SEC16B: variants seen among roughly 807,000 people sequenced by gnomAD.
The protein encoded by SEC16B is protein transport protein Sec16B.
In SEC16B, 115 loss-of-function variants were observed where a neutral mutation model predicts 141.8. The ratio of observed to expected loss-of-function variants is 0.81; its 90% CI spans 0.70 to 0.95. The LOEUF is 0.95. Among genes scored for constraint, SEC16B ranks in the 40% least tolerant of loss-of-function variants. The probability of loss-of-function intolerance (pLI) is 0.00; values close to 1 mark genes in which losing one functional copy is unlikely to be tolerated. For missense variants in SEC16B, 1,291 were observed against 1,312.3 expected (o/e 0.98, Z 0.25); for synonymous variants, 493 against 492.5 (o/e 1.00, Z -0.01).
intron 1 of SEC16B, chr1:177,984,190 G>A (rs904611540): frequency 6.6e-6 from 1 of 152,186 alleles, no homozygotes; most frequent in Non-Finnish European, 1.5e-5. Flanking sequence ...GGTTAATGGT[G>A]AAAATAAGTA....
chr1:177,952,487 G>A (rs1252459179), intron 11 of SEC16B, among the ~76,000 whole-genome samples: 1 of 152,154 alleles, frequency 6.6e-6, no homozygotes, highest in Non-Finnish European at 1.5e-5. Flanking sequence ...TTGCTCACAA[G>A]CGCTAAATAG....
chr1:177,939,853 ACTT>A, intron 17 of SEC16B, 76 bp from the exon 18 acceptor site: 1 of 1,222,688 alleles, frequency 8.2e-7, no homozygotes. Flanking sequence ...GTGATTCAAA[ACTT>A]AAGCCAAAAA....
chr1:177,942,025 A>G lies in SEC16B; in HGVS notation c.1897T>C (p.Tyr633His). 6.2e-7 allele frequency: 1 copy of G among 1,613,826 alleles called. No individual in the cohort carries two copies. The highest frequency in any genetic ancestry group is 1.6e-4 in the Middle Eastern group (1 of 6,062). Reference protein sequence around the residue: ...IPSFQVYKLLYASRLADYGLV... With the variant: ...IPSFQVYKLLHASRLADYGLV... ...CCATAATCTGCCAGACGGGAAGCATAAAGGAGCTTATACACCTGTGAAGAG... is the reference window on the plus strand; with the variant it reads ...CCATAATCTGCCAGACGGGAAGCATGAAGGAGCTTATACACCTGTGAAGAG... The change falls in exon 16 of 26, where the codon TAT (tyrosine) becomes CAT (histidine). Residue 633 changes from tyrosine (Y) to histidine (H), a missense_variant. Transcript: ENST00000308284.
At chr1:177,953,003 A>ATTTTTT (rs59988344) in intron 11 of SEC16B, among the ~76,000 whole-genome samples, 1 of 127,956 alleles carries the variant, frequency 7.8e-6, no homozygotes, top group African/African-American at 2.9e-5. Context: ...TGGAAGTGTC[A>ATTTTTT]TTTTTTTTTT....
Position 177,930,601 on chromosome 1 carries a change from G to C in SEC16B, c.3055C>G (p.Pro1019Ala), listed in dbSNP as rs1650345426. 6.2e-7 allele frequency: 1 copy of C among 1,613,790 alleles called. No individual in the cohort carries two copies. Among genetic ancestry groups the C allele is most frequent in the Admixed American group, 1.7e-5 (1 of 60,016 alleles). Reference sequence around the variant, plus strand: ...ACAGCCCCTTTTAAGGCAGGTGGAGGAAGAAGAACACCAGGGTTGGAGCAG... The same window carrying C: ...ACAGCCCCTTTTAAGGCAGGTGGAGCAAGAAGAACACCAGGGTTGGAGCAG... Reference protein sequence around the residue: ...ELCSNPGVLLPPPALKGAVPL... With the variant: ...ELCSNPGVLLAPPALKGAVPL... The change falls in exon 25 of 26, where the codon CCT (proline) becomes GCT (alanine). Residue 1019 changes from proline to alanine, a missense_variant. By Grantham distance (27) the Pro-to-Ala change is conservative (BLOSUM62 -1). This residue lies in a region of SEC16B where 605 missense variants were observed against 614.1 expected (regional missense o/e 0.99). Coordinates refer to ENST00000308284, the MANE Select transcript of SEC16B (RefSeq NM_033127.4).
At chr1:177,979,924 A>G (rs76278013) in intron 1 of SEC16B, among the ~76,000 whole-genome samples, 21,009 of 152,202 alleles carry the variant, frequency 0.14, 1,806 homozygotes, top group East Asian at 0.42. Context: ...ACCTTCCACC[A>G]GGTCCCTCCC....
In SEC16B at chr1:177,939,688, A is replaced by G. The variant is rs1651130756; in HGVS notation, c.2203+14T>C. The G allele has an allele frequency of 1.3e-6, 2 of 1,570,772 alleles. No homozygotes were observed. The highest frequency in any genetic ancestry group is 1.7e-6 in the Non-Finnish European group (2 of 1,152,214). ...CGTCAGCTATGTATATGCTCAGTTCATCATTTTGGGTACCTGTTGTTGTTC... is the reference window on the plus strand; with the variant it reads ...CGTCAGCTATGTATATGCTCAGTTCGTCATTTTGGGTACCTGTTGTTGTTC... On this transcript the variant is annotated intron_variant, in intron 18 of 25. Coordinates refer to ENST00000308284, the MANE Select transcript of SEC16B (RefSeq NM_033127.4).
At chr1:177,947,998 A>C in intron 12 of SEC16B, 56 bp from the exon 13 acceptor site, 2 of 1,317,750 alleles carry the variant, frequency 1.5e-6, no homozygotes, top group Middle Eastern at 1.8e-4. Context: ...CCAGATGTAC[A>C]TAAAGAAGGC....
chr1:177,949,316 C>T (rs977763328), intron 12 of SEC16B, among the ~76,000 whole-genome samples: 3 of 149,902 alleles, frequency 2.0e-5, no homozygotes, highest in African/African-American at 7.4e-5. Flanking sequence ...TGCATTTTAA[C>T]ATGTAAGCCA....
At chr1:177,966,086 A>G in intron 2 of SEC16B, 81 bp from the exon 3 acceptor site, 2 of 821,526 alleles carry the variant, frequency 2.4e-6, no homozygotes, top group Non-Finnish European at 3.9e-6. Context: ...GACAAACTAA[A>G]CAGGTTCAGA....
chr1:177,943,743 C>T lies in SEC16B; in HGVS notation c.1881+818G>A, dbSNP rs147509343. Reference sequence around the variant, plus strand: ...ACTGTGCCTGCCATGACGTCAACGCCGAAAGCAGTTGCTGTGTGCCAGGCG... The same window carrying T: ...ACTGTGCCTGCCATGACGTCAACGCTGAAAGCAGTTGCTGTGTGCCAGGCG... On this transcript the variant is annotated intron_variant, in intron 15 of 25. Coordinates refer to ENST00000308284, the MANE Select transcript of SEC16B (RefSeq NM_033127.4). Among the ~76,000 whole-genome samples, 806 of 152,304 alleles carry T rather than the reference C, an allele frequency of 5.3e-3. 12 individuals are homozygous for T. Among genetic ancestry groups the T allele is most frequent in the African/African-American group, 0.018 (755 of 41,560 alleles).
chr1:177,957,765 CTT>C (rs1405520074), intron 10 of SEC16B, among the ~76,000 whole-genome samples: 1 of 151,608 alleles, frequency 6.6e-6, no homozygotes, highest in East Asian at 1.9e-4. Context: ...TTCATTCTAA[CTT>C]TTTTTTGCAC....
chr1:177,958,764 AT>A (rs1204042620), intron 9 of SEC16B, 75 bp downstream of exon 9: 2 of 1,504,124 alleles, frequency 1.3e-6, no homozygotes, highest in Non-Finnish European at 8.9e-7. Context: ...TAATCATGTC[AT>A]AAACATAATC....
At chr1:177,963,684 A>T (rs1386538149) in intron 5 of SEC16B, among the ~76,000 whole-genome samples, 1 of 151,082 alleles carries the variant, frequency 6.6e-6, no homozygotes, top group Non-Finnish European at 1.5e-5. Flanking sequence ...AGTTTATTTT[A>T]AAAAAGATTT....
At chr1:177,981,101 C>T (rs1028717918) in intron 1 of SEC16B, among the ~76,000 whole-genome samples, 26 of 151,986 alleles carry the variant, frequency 1.7e-4, no homozygotes, top group Admixed American at 1.2e-3. Flanking sequence ...TGATGTTTAG[C>T]TTTTATCATA....
rs561650789 is a variant in SEC16B, at chr1:177,958,213, C to T, written c.1284G>A (p.Thr428=). 8 of 1,602,790 alleles carry T rather than the reference C, an allele frequency of 5.0e-6. No homozygotes were observed. Among genetic ancestry groups the T allele is most frequent in the South Asian group, 3.4e-5 (3 of 87,852 alleles). The stretch of plus-strand genomic sequence containing the variant: ...TCTCCACACTGGGGGGGATCTCTCC[C>T]GTGAGCAGGTTCGGGGTCCCAGAGC... The part of the protein sequence containing the change: ...VLSSGTPNLL[T]GEIPPSVETP... The change falls in exon 10 of 26, where the codon ACG becomes ACA. Residue 428 remains threonine, a synonymous_variant. Coordinates refer to ENST00000308284, the MANE Select transcript of SEC16B (RefSeq NM_033127.4).
chr1:177,955,250 C>A (rs1013601090), intron 10 of SEC16B, among the ~76,000 whole-genome samples: 1 of 151,846 alleles, frequency 6.6e-6, no homozygotes, highest in African/African-American at 2.4e-5. Context: ...AATCCCTACA[C>A]TTTGGGAGGT....
intron 21 of SEC16B, 29 bp from the exon 22 acceptor site, chr1:177,933,341 C>A (rs767100403): frequency 6.3e-7 from 1 of 1,575,198 alleles, no homozygotes; most frequent in East Asian, 2.3e-5. Context: ...ATTTTATGAC[C>A]TGCAGGTTGG....
At chr1:177,971,922 G>A (rs902535823), upstream of SEC16B, among the ~76,000 whole-genome samples, 3 of 152,170 alleles carry the variant, frequency 2.0e-5, no homozygotes, top group African/African-American at 7.2e-5. Flanking sequence ...CACAGAAATT[G>A]GCAACTGCTA....
Sources: allele counts gnomAD v4.1 joint callset (sites outside exome capture counted in the v4.1 genomes callset), GRCh38; gene constraint gnomAD v4.1.1; regional missense constraint gnomAD v4.1.1; transcripts MANE v1.5; gene names NCBI Gene and HGNC (gene_info 2026-07-23, HGNC 2026-07-21).